MAP4K5: variants seen among roughly 807,000 people sequenced by gnomAD.
The protein encoded by MAP4K5 is MAPK/ERK kinase kinase kinase 5.
MAP4K5 carries 82 observed loss-of-function variants against 135.6 expected under a neutral mutation model. That is an observed-to-expected ratio of 0.60 (90% CI 0.51 to 0.73). The LOEUF (loss-of-function observed/expected upper bound fraction) is 0.73, where lower values mean the gene tolerates loss of function less well. Among genes scored for constraint, MAP4K5 ranks in the 30% least tolerant of loss-of-function variants. The pLI is 0.00. For synonymous variants in MAP4K5, 347 were observed against 335.0 expected (o/e 1.04, Z -0.39); for missense variants, 907 against 1,010.9 (o/e 0.90, Z 1.39).
intron 9 of MAP4K5, among the ~76,000 whole-genome samples, chr14:50,474,147 A>C (rs1162554719): frequency 2.6e-5 from 4 of 152,166 alleles, no homozygotes; most frequent in Admixed American, 6.5e-5. Context: ...TCAAGTCTGT[A>C]ATCTCAGCAC....
In MAP4K5 at chr14:50,442,808, T is replaced by A; in HGVS notation, c.1488A>T (p.Ala496=). The A allele has an allele frequency of 3.8e-6, 6 of 1,569,614 alleles. No homozygotes were observed. The highest frequency in any genetic ancestry group is 5.2e-6 in the Non-Finnish European group (6 of 1,153,618). The part of the protein sequence containing the change: ...LPPTPKVLMG[A]CFSKVFDGCP... ...AGCCATCAAAAACTTTTGAAAAGCA[T>A]GCTCCCATCTTATTTATAAAGAAAG... The change falls in exon 21 of 33, where the codon GCA becomes GCT. Residue 496 remains alanine (A), a synonymous_variant. Transcript: ENST00000682126.
intron 28 of MAP4K5, among the ~76,000 whole-genome samples, chr14:50,431,244 T>TTTTA (rs531576219): frequency 1.2e-3 from 184 of 152,222 alleles, no homozygotes; most frequent in Non-Finnish European, 1.6e-3. Context: ...GTTTTATCTT[T>TTTTA]TTTATTTATT....
At chr14:50,455,126 A>G (rs1357512627) in intron 14 of MAP4K5, among the ~76,000 whole-genome samples, 3 of 152,022 alleles carry the variant, frequency 2.0e-5, no homozygotes, top group Admixed American at 6.6e-5. Flanking sequence ...TTGCATTTTC[A>G]ATAAATAATG....
chr14:50,508,079 T>C (rs2037850816), intron 2 of MAP4K5, among the ~76,000 whole-genome samples: 1 of 152,210 alleles, frequency 6.6e-6, no homozygotes, highest in African/African-American at 2.4e-5. Flanking sequence ...TCTTGTTGAA[T>C]TGATCCCTTT....
intron 2 of MAP4K5, among the ~76,000 whole-genome samples, chr14:50,512,558 C>T (rs532892820): frequency 2.0e-5 from 3 of 152,140 alleles, no homozygotes; most frequent in South Asian, 2.1e-4. Context: ...TGTCAGCCTC[C>T]ATTTTGAAGA....
Position 50,448,890 on chromosome 14 carries a change from A to C in MAP4K5, c.1016-58T>G, listed in dbSNP as rs752082091. The C allele has an allele frequency of 1.7e-5, 14 of 845,356 alleles. No individual in the cohort carries two copies. The Admixed American group carries it at 3.2e-4, about 19-fold the overall frequency. The allele number at this position is 845,356 out of a possible 1,614,324, so 52.4% of individuals were successfully genotyped here. A position where few individuals can be genotyped will look rare whatever the true frequency, so the allele number is the denominator to read the frequency against. On this transcript the variant is annotated intron_variant, in intron 14 of 32. Coordinates refer to ENST00000682126, the MANE Select transcript of MAP4K5 (RefSeq NM_006575.6). ...AGCATCTCAAAGGGTTGATCTCAGA[A>C]ATGTAATGACAAGTTTGTATATGGG...
At chr14:50,535,278 G>A (rs2038477426), upstream of MAP4K5, among the ~76,000 whole-genome samples, 1 of 152,120 alleles carries the variant, frequency 6.6e-6, no homozygotes, top group South Asian at 2.1e-4. Context: ...AAAAGAATTG[G>A]GAGACATAAA....
upstream of MAP4K5, among the ~76,000 whole-genome samples, chr14:50,533,618 T>G (rs909537976): frequency 6.6e-6 from 1 of 152,108 alleles, no homozygotes; most frequent in Admixed American, 6.6e-5. Flanking sequence ...TAGAGCCTCA[T>G]AGAGAATTTG....
At chr14:50,452,908 T>C (rs1422947337) in intron 14 of MAP4K5, among the ~76,000 whole-genome samples, 1 of 152,340 alleles carries the variant, frequency 6.6e-6, no homozygotes, top group Admixed American at 6.5e-5. Flanking sequence ...GAAAGATAAC[T>C]GGAGCCACTG....
At chr14:50,505,898 G>C (rs1271946402) in intron 2 of MAP4K5, among the ~76,000 whole-genome samples, 1 of 150,102 alleles carries the variant, frequency 6.7e-6, no homozygotes, top group African/African-American at 2.4e-5. Flanking sequence ...TGGATTCTAA[G>C]ATACGGTATT....
intron 2 of MAP4K5, chr14:50,505,109 C>T (rs1278316042): frequency 1.5e-5 from 5 of 332,344 alleles, no homozygotes; most frequent in African/African-American, 1.1e-4. Flanking sequence ...TGGTCTACTT[C>T]CTCCAAGGCT....
Position 50,490,601 on chromosome 14 carries a change from C to T in MAP4K5, c.167-4407G>A, listed in dbSNP as rs182441410. 9.8e-5 allele frequency among the ~76,000 whole-genome samples: 15 copies of T among 152,310 alleles called. No homozygotes were observed. The East Asian group carries it at 2.1e-3, about 22-fold the overall frequency. On this transcript the variant is annotated intron_variant, in intron 3 of 32. Transcript: ENST00000682126. The stretch of plus-strand genomic sequence containing the variant: ...AGGCCAAGTTTTCTGCCCCTTGTTT[C>T]TAAGCCACCTTCTGCCTAGCAGGCA...
rs368723260 is a variant in MAP4K5, at chr14:50,482,342, T to C, written c.378+19A>G. ...TTGCCTAGAATTGCCTTTCTAACTA[T>C]ATTAAGAAAATATAGTACCTGTAAG... On this transcript the variant is annotated intron_variant, in intron 6 of 32. Coordinates refer to ENST00000682126, the MANE Select transcript of MAP4K5 (RefSeq NM_006575.6). 61 of 1,434,300 alleles carry C rather than the reference T, an allele frequency of 4.3e-5. No individual in the cohort carries two copies. The African/African-American group carries it at 8.6e-4, about 20-fold the overall frequency. The allele number at this position is 1,434,300 out of a possible 1,614,324, so 88.8% of individuals were successfully genotyped here.
intron 22 of MAP4K5, 144 bp from the exon 23 acceptor site, chr14:50,440,217 G>A (rs534652274): frequency 1.7e-5 from 13 of 778,726 alleles, no homozygotes; most frequent in Non-Finnish European, 2.6e-5. Context: ...CTTTCAACAT[G>A]AACATGCAAA....
At chr14:50,544,518 T>G (rs915277703) in intron 1 of MAP4K5, among the ~76,000 whole-genome samples, 7 of 152,280 alleles carry the variant, frequency 4.6e-5, no homozygotes, top group African/African-American at 1.2e-4. Context: ...AGGTTTTCCT[T>G]GCTATTAACA....
intron 6 of MAP4K5, among the ~76,000 whole-genome samples, chr14:50,478,257 T>C (rs937943393): frequency 7.4e-6 from 1 of 135,648 alleles, no homozygotes; most frequent in South Asian, 2.7e-4. Context: ...CCATCATTCA[T>C]TTCTGATGCT....
At position 50,476,317 on chromosome 14, in the gene MAP4K5, A is replaced by AG; in HGVS notation, c.379-12_379-11insC. 1 of 249,790 alleles carries AG rather than the reference A, an allele frequency of 4.0e-6. No homozygotes were observed. Among genetic ancestry groups the AG allele is most frequent in the East Asian group, 1.6e-4 (1 of 6,130 alleles). The allele number at this position is 249,790 out of a possible 1,614,324, so 15.5% of individuals were successfully genotyped here. ...CAAATAGGCAAGACCCTAAAAGTTT[A>AG]AAAAAAAAAAAAAAGAATGTATCAG... On this transcript the variant is annotated splice_polypyrimidine_tract_variant and intron_variant, in intron 6 of 32. Coordinates refer to ENST00000682126, the MANE Select transcript of MAP4K5 (RefSeq NM_006575.6).
intron 8 of MAP4K5, among the ~76,000 whole-genome samples, 164 bp from the exon 9 acceptor site, chr14:50,475,313 T>G (rs2037070873): frequency 6.6e-6 from 1 of 152,184 alleles, no homozygotes; most frequent in Non-Finnish European, 1.5e-5. Flanking sequence ...CACAACATAC[T>G]TATTAAAAAA....
chr14:50,444,949 G>A, intron 18 of MAP4K5, 92 bp downstream of exon 18: 1 of 1,314,928 alleles, frequency 7.6e-7, no homozygotes, highest in African/African-American at 1.5e-5. Context: ...AGGAACAAAT[G>A]ACTCTCATTT....
Sources: gnomAD v4.1 joint callset for allele counts (sites outside exome capture counted in the v4.1 genomes callset) on GRCh38, gnomAD v4.1.1 for gene constraint, MANE v1.5 for transcripts, NCBI Gene and HGNC (gene_info 2026-07-23, HGNC 2026-07-21) for gene names.